Variants in KCNA2 observed in about 807,000 individuals in gnomAD.
KCNA2 encodes the protein potassium voltage-gated channel subfamily A member 2.
In KCNA2, 11 loss-of-function variants were observed where a neutral mutation model predicts 33.4. That is an observed-to-expected ratio of 0.33 (90% CI 0.21 to 0.55). The LOEUF (loss-of-function observed/expected upper bound fraction) is 0.55. KCNA2 is among the 20% of genes least tolerant of loss of function. The probability of loss-of-function intolerance (pLI) is 0.93; values close to 1 mark genes in which losing one functional copy is unlikely to be tolerated. For synonymous variants in KCNA2, 222 were observed against 231.3 expected (o/e 0.96, Z 0.37); for missense variants, 291 against 621.6 (o/e 0.47, Z 5.66).
Position 110,594,273 on chromosome 1 carries a change from T to C in KCNA2, c.*9010A>G. ...CATGAGCCTAAGTGAGTGGCGGCCA[T>C]TTCCTCTCTCTCTCTCTCTCTATAT... On this transcript the variant is annotated 3_prime_UTR_variant, in exon 3 of 3. Coordinates refer to ENST00000316361, the MANE Select transcript of KCNA2 (RefSeq NM_004974.4). 1.0e-6 allele frequency: 1 copy of C among 992,208 alleles called. No individual in the cohort carries two copies. Among genetic ancestry groups the C allele is most frequent in the East Asian group, 1.1e-4 (1 of 9,134 alleles). 61.5% of individuals were successfully genotyped at this position (992,208 alleles called of 1,614,324 possible). A position where few individuals can be genotyped will look rare whatever the true frequency, so the allele number is the denominator to read the frequency against.
At chr1:110,628,604 G>A (rs552412065) in intron 1 of KCNA2, among the ~76,000 whole-genome samples, 4 of 152,182 alleles carry the variant, frequency 2.6e-5, no homozygotes, top group African/African-American at 4.8e-5. Flanking sequence ...TCCAGTGTCC[G>A]GCATCTGGTG....
At chr1:110,608,363 G>T (rs576942291), upstream of KCNA2, among the ~76,000 whole-genome samples, 2 of 152,318 alleles carry the variant, frequency 1.3e-5, no homozygotes, top group South Asian at 2.1e-4. Flanking sequence ...CCAAACAGTG[G>T]TGGTTCCTTG....
Position 110,593,784 on chromosome 1 carries a change from A to G in KCNA2, c.*9499T>C. Reference sequence around the variant, plus strand: ...GTACACATATATGTATAACCTATGTACAAATATCAGACCCTACTGACACAG... The same window carrying G: ...GTACACATATATGTATAACCTATGTGCAAATATCAGACCCTACTGACACAG... On this transcript the variant is annotated 3_prime_UTR_variant, in exon 3 of 3. Transcript: ENST00000316361. The G allele has an allele frequency of 1.5e-6, 2 of 1,365,398 alleles. No homozygotes were observed. The highest frequency in any genetic ancestry group is 2.0e-6 in the Non-Finnish European group (2 of 993,162). 84.6% of individuals were successfully genotyped at this position (1,365,398 alleles called of 1,614,324 possible). A position where few individuals can be genotyped will look rare whatever the true frequency, so the allele number is the denominator to read the frequency against.
rs116657760 is a variant in KCNA2, at chr1:110,630,520, G to C, written c.-496+875C>G. ...GTGCTCAGTAAATATTTACCAAGCT[G>C]TTCAATGGATTCATGGTTTCAGTTC... On this transcript the variant is annotated intron_variant, in intron 1 of 4. Transcript: ENST00000369770. Among the ~76,000 whole-genome samples, 533 of 152,272 alleles carry C rather than the reference G, an allele frequency of 3.5e-3. 1 individual carries two copies. The highest frequency in any genetic ancestry group is 0.02 in the Middle Eastern group (6 of 294).
rs554822582 is a variant in KCNA2 at position 110,597,560 on chromosome 1, G to C, written c.*5723C>G. The C allele has an allele frequency of 2.0e-6, 2 of 985,274 alleles. No homozygotes were observed. Among genetic ancestry groups the C allele is most frequent in the African/African-American group, 3.5e-5 (2 of 57,212 alleles). 61.0% of individuals were successfully genotyped at this position (985,274 alleles called of 1,614,324 possible). ...ACAAAGTGACAAAGCCCTCTCACAG[G>C]CCTTCCTTGTGCATACACTGCATCT... is the stretch of plus-strand genomic sequence containing the variant. On this transcript the variant is annotated 3_prime_UTR_variant, in exon 3 of 3. Coordinates refer to ENST00000316361, the MANE Select transcript of KCNA2 (RefSeq NM_004974.4).
chr1:110,622,569 G>C (rs1344005002), intron 1 of KCNA2, among the ~76,000 whole-genome samples: 5 of 152,006 alleles, frequency 3.3e-5, no homozygotes, highest in Non-Finnish European at 7.4e-5. Flanking sequence ...TTCACAGGTG[G>C]CATGGTTATT....
chr1:110,594,663 CACG>C lies in KCNA2; in HGVS notation c.*8617_*8619del, dbSNP rs1373302769. On this transcript the variant is annotated 3_prime_UTR_variant, in exon 3 of 3. Transcript: ENST00000316361. ...CCTTCAAATGAAGGAACCATCCAAGCACGACAACAAAAGGAAACTGGGTCGCTG... is the reference window on the plus strand; with the variant it reads ...CCTTCAAATGAAGGAACCATCCAAGCACAACAAAAGGAAACTGGGTCGCTG... 4.1e-6 allele frequency: 4 copies of C among 985,280 alleles called. No individual in the cohort carries two copies. The highest frequency in any genetic ancestry group is 4.8e-6 in the Non-Finnish European group (4 of 829,994). The allele number at this position is 985,280 out of a possible 1,614,324, so 61.0% of individuals were successfully genotyped here. A position where few individuals can be genotyped will look rare whatever the true frequency, so the allele number is the denominator to read the frequency against.
chr1:110,628,240 G>C (rs1650452414), intron 1 of KCNA2, among the ~76,000 whole-genome samples: 1 of 152,082 alleles, frequency 6.6e-6, no homozygotes, highest in Admixed American at 6.6e-5. Context: ...TCCACACTGG[G>C]TATATCTTGA....
chr1:110,603,722 C>T lies in KCNA2; in HGVS notation c.1061G>A (p.Arg354Gln), dbSNP rs374827915. 4.2e-5 allele frequency: 68 copies of T among 1,613,868 alleles called. No homozygotes were observed. The highest frequency in any genetic ancestry group is 2.7e-4 in the East Asian group (12 of 44,894). The change falls in exon 3 of 3, where the codon CGA becomes CAA. Residue 354 changes from arginine to glutamine, a missense_variant. By Grantham distance (43) the Arg-to-Gln change is conservative. Transcript: ENST00000316361. This position sits in a 1 kb window ranked among gnomAD's most constrained non-coding sequence, Gnocchi z 5.7. ...SAVYFAEADE[R>Q]ESQFPSIPDA... ...TGGGATGCTGGGGAACTGGGACTCT[C>T]GCTCATCGGCCTCTGCAAAATACAC...
In KCNA2 at chr1:110,602,196, G is replaced by C. The variant is rs1649387872; in HGVS notation, c.*1087C>G. 1 of 1,549,276 alleles carries C rather than the reference G, an allele frequency of 6.5e-7. No homozygotes were observed. Among genetic ancestry groups the C allele is most frequent in the African/African-American group, 1.4e-5 (1 of 72,990 alleles). On this transcript the variant is annotated 3_prime_UTR_variant, in exon 3 of 3. Coordinates refer to ENST00000316361, the MANE Select transcript of KCNA2 (RefSeq NM_004974.4). ...CTGTTTAGAAGAACAGGGATAGGTA[G>C]GCTGGGGGGCCAGAAGTTTTAGTTC...
chr1:110,627,579 C>G (rs771049477), intron 1 of KCNA2, among the ~76,000 whole-genome samples: 6 of 152,168 alleles, frequency 3.9e-5, no homozygotes, highest in Non-Finnish European at 5.9e-5. Context: ...CTGGGTTTCT[C>G]TCTGTGCTCC....
intron 1 of KCNA2, among the ~76,000 whole-genome samples, chr1:110,621,737 G>T (rs760139821): frequency 6.6e-6 from 1 of 152,114 alleles, no homozygotes; most frequent in Non-Finnish European, 1.5e-5. Context: ...GGACAACTTG[G>T]TTGAAATGGA....
In KCNA2 at chr1:110,604,617, C is replaced by T; in HGVS notation, c.166G>A (p.Glu56Lys). 1 of 1,614,188 alleles carries T rather than the reference C, an allele frequency of 6.2e-7. No individual in the cohort carries two copies. Among genetic ancestry groups the T allele is most frequent in the South Asian group, 1.1e-5 (1 of 91,088 alleles). Reference protein sequence around the residue: ...TQLKTLAQFPETLLGDPKKRM... With the variant: ...TQLKTLAQFPKTLLGDPKKRM... The stretch of plus-strand genomic sequence containing the variant: ...TTCTTTGGGTCCCCTAAGAGGGTCT[C>T]TGGAAACTGGGCTAAGGTCTTTAGC... Residue 56 changes from glutamate to lysine, a missense_variant, in exon 3 of 3, where the codon GAG (glutamate) becomes AAG (lysine). This residue lies in a region of KCNA2 where 163 missense variants were observed against 273.5 expected (regional missense o/e 0.60). Transcript: ENST00000316361. This position sits in a 1 kb window ranked among gnomAD's most constrained non-coding sequence, Gnocchi z 7.6.
intron 2 of KCNA2, among the ~76,000 whole-genome samples, 163 bp from the exon 3 acceptor site, chr1:110,605,108 G>A (rs1649538715): frequency 6.6e-6 from 1 of 152,196 alleles, no homozygotes; most frequent in South Asian, 2.1e-4. Context: ...ACTTGTCTGG[G>A]GATCAGGGGG....
In KCNA2 at chr1:110,597,793, T is replaced by G. The variant is rs974993138; in HGVS notation, c.*5490A>C. 1 of 985,208 alleles carries G rather than the reference T, an allele frequency of 1.0e-6. No individual in the cohort carries two copies. The highest frequency in any genetic ancestry group is 1.7e-5 in the African/African-American group (1 of 57,232). 61.0% of individuals were successfully genotyped at this position (985,208 alleles called of 1,614,324 possible). On this transcript the variant is annotated 3_prime_UTR_variant, in exon 3 of 3. Transcript: ENST00000316361. ...ATTGCTAAAGAAAACAGTCACTATT[T>G]ATTTTATTGCACTTTTCCTCTTTAA... is the stretch of plus-strand genomic sequence containing the variant.
chr1:110,611,018 GAGGAAGGAAGGAAGGAAGGA>G (rs59353690), upstream of KCNA2, among the ~76,000 whole-genome samples: 3,899 of 144,244 alleles, frequency 0.027, 72 homozygotes, highest in South Asian at 0.035. Context: ...AAGACAGAAT[GAGGAAGGAAGGAAGGAAGGA>G]AGGAAGGAAG....
rs1228889018 is a variant in KCNA2, at chr1:110,596,404, A to G, written c.*6879T>C. 3.0e-5 allele frequency: 7 copies of G among 235,338 alleles called. No homozygotes were observed. Among genetic ancestry groups the G allele is most frequent in the Non-Finnish European group, 4.8e-5 (7 of 144,398 alleles). The allele number at this position is 235,338 out of a possible 1,614,324, so 14.6% of individuals were successfully genotyped here. A position where few individuals can be genotyped will look rare whatever the true frequency, so the allele number is the denominator to read the frequency against. On this transcript the variant is annotated 3_prime_UTR_variant, in exon 3 of 3. Transcript: ENST00000316361. Reference sequence around the variant, plus strand: ...AACCTCTAAAAACTCAGGACCAATTAACCAAAACCTCGATTGACAAGAATT... The same window carrying G: ...AACCTCTAAAAACTCAGGACCAATTGACCAAAACCTCGATTGACAAGAATT...
At chr1:110,617,354 GGGA>G (rs1359517871) in intron 1 of KCNA2, among the ~76,000 whole-genome samples, 7 of 152,310 alleles carry the variant, frequency 4.6e-5, no homozygotes, top group South Asian at 2.1e-4. Context: ...CGAGCAGTGT[GGGA>G]GGACATGGTA....
chr1:110,618,365 C>A (rs1190546057), intron 1 of KCNA2, among the ~76,000 whole-genome samples: 3 of 152,108 alleles, frequency 2.0e-5, no homozygotes, highest in Non-Finnish European at 2.9e-5. Flanking sequence ...GGCATTTTAT[C>A]CTCTTTTAAT....
Sources: gnomAD v4.1 joint callset for allele counts (sites outside exome capture counted in the v4.1 genomes callset) on GRCh38, gnomAD v4.1.1 for gene constraint, gnomAD v4.1.1 regional missense constraint, Gnocchi (gnomAD v3.1) non-coding constraint, MANE v1.5 for transcripts, NCBI Gene and HGNC (gene_info 2026-07-23, HGNC 2026-07-21) for gene names.